Variants in CSGALNACT1 observed in about 807,000 individuals in gnomAD.
CSGALNACT1 encodes chondroitin sulfate N-acetylgalactosaminyltransferase 1, also known as beta4GalNAcT-1.
In CSGALNACT1, 52 loss-of-function variants were observed where a neutral mutation model predicts 51.0. That is an observed-to-expected ratio of 1.02 (90% CI 0.82 to 1.29). The LOEUF is 1.29. Among genes scored for constraint, CSGALNACT1 ranks in the 50% most tolerant of loss-of-function variants. CSGALNACT1 has a pLI of 0.00. For missense variants in CSGALNACT1, 935 were observed against 679.2 expected, an observed-to-expected ratio of 1.38 and a Z score of -4.19; for synonymous variants, 341 against 254.4, an observed-to-expected ratio of 1.34 and a Z score of -3.24.
intron 6 of CSGALNACT1, among the ~76,000 whole-genome samples, chr8:19,425,262 A>G (rs1489216490): frequency 1.3e-5 from 2 of 152,136 alleles, no homozygotes; most frequent in Non-Finnish European, 1.5e-5. Flanking sequence ...AATCGCTTGA[A>G]TCTGGGAAAT....
intron 4 of CSGALNACT1, among the ~76,000 whole-genome samples, chr8:19,501,721 G>A (rs2076460781): frequency 6.6e-6 from 1 of 152,180 alleles, no homozygotes; most frequent in Admixed American, 6.5e-5. Flanking sequence ...ATGTCCAAGG[G>A]ATCTATTTAA....
At chr8:19,414,264 C>A (rs1434454109) in intron 8 of CSGALNACT1, among the ~76,000 whole-genome samples, 1 of 152,178 alleles carries the variant, frequency 6.6e-6, no homozygotes, top group Non-Finnish European at 1.5e-5. Context: ...ATTTAGAAAC[C>A]TATCTCTGGC....
intron 4 of CSGALNACT1, among the ~76,000 whole-genome samples, chr8:19,494,288 A>C (rs2075029964): frequency 6.6e-6 from 1 of 151,954 alleles, no homozygotes. Context: ...TCCTGCTCCC[A>C]AAACACTCCC....
At chr8:19,701,211 A>C (rs2154220142) in intron 1 of CSGALNACT1, among the ~76,000 whole-genome samples, 1 of 130,786 alleles carries the variant, frequency 7.6e-6, no homozygotes, top group African/African-American at 2.9e-5. Context: ...GCTGGAGTGC[A>C]GTGGGGTGAT....
intron 4 of CSGALNACT1, among the ~76,000 whole-genome samples, chr8:19,499,241 T>C (rs572559727): frequency 7.2e-5 from 11 of 152,324 alleles, no homozygotes; most frequent in African/African-American, 2.6e-4. Flanking sequence ...TTTATTACAG[T>C]CACAAAATCT....
In CSGALNACT1 at chr8:19,649,818, G is replaced by GAAAAAAAAAAAAAAA. The variant is rs1564347327; in HGVS notation, c.-544+32654_-544+32655insTTTTTTTTTTTTTTT. ...GAAGAAATTAAATGCATTCCAAGTAGCAAAAAAAAAAAAAAAAAAAAAAAA... is the reference window on the plus strand; with the variant it reads ...GAAGAAATTAAATGCATTCCAAGTAGAAAAAAAAAAAAAAACAAAAAAAAAAAAAAAAAAAAAAAA... On this transcript the variant is annotated intron_variant, in intron 1 of 9. Transcript: ENST00000332246. Among the ~76,000 whole-genome samples the GAAAAAAAAAAAAAAA allele has an allele frequency of 3.9e-3, 6 of 1,554 alleles. 2 individuals are homozygous for GAAAAAAAAAAAAAAA. Among genetic ancestry groups the GAAAAAAAAAAAAAAA allele is most frequent in the African/African-American group, 0.013 (6 of 466 alleles). 1.0% of individuals were successfully genotyped at this position (1,554 alleles called of 152,430 possible).
chr8:19,487,167 T>C (rs988840838), intron 4 of CSGALNACT1, among the ~76,000 whole-genome samples: 8 of 152,232 alleles, frequency 5.3e-5, no homozygotes, highest in African/African-American at 1.4e-4. Context: ...CCAAAAGCTT[T>C]TGCTTTAACA....
intron 1 of CSGALNACT1, among the ~76,000 whole-genome samples, chr8:19,699,343 T>A (rs2154219610): frequency 6.6e-6 from 1 of 152,328 alleles, no homozygotes; most frequent in African/African-American, 2.4e-5. Context: ...TACACCCATG[T>A]TCATAGTAGC....
At chr8:19,658,488 C>G (rs1192203276) in intron 1 of CSGALNACT1, among the ~76,000 whole-genome samples, 3 of 152,184 alleles carry the variant, frequency 2.0e-5, no homozygotes, top group Non-Finnish European at 4.4e-5. Context: ...AATCCCAGCA[C>G]TCTGGCAGGC....
intron 8 of CSGALNACT1, among the ~76,000 whole-genome samples, chr8:19,415,869 T>C (rs1440849657): frequency 1.3e-5 from 2 of 152,200 alleles, no homozygotes; most frequent in Non-Finnish European, 2.9e-5. Flanking sequence ...TCTCTGTCAA[T>C]GAGGGTGATA....
chr8:19,627,902 C>T (rs2054653827), intron 1 of CSGALNACT1, among the ~76,000 whole-genome samples: 4 of 152,100 alleles, frequency 2.6e-5, no homozygotes, highest in Admixed American at 2.6e-4. Context: ...AGTGTTGAAA[C>T]AATATCCATG....
At chr8:19,568,622 A>G (rs1362805818) in intron 3 of CSGALNACT1, among the ~76,000 whole-genome samples, 2 of 152,242 alleles carry the variant, frequency 1.3e-5, no homozygotes, top group Non-Finnish European at 2.9e-5. Flanking sequence ...ATAAAGAAAA[A>G]TCTGCTGGAA....
At chr8:19,702,528 T>C (rs995859667) in intron 1 of CSGALNACT1, among the ~76,000 whole-genome samples, 1 of 152,060 alleles carries the variant, frequency 6.6e-6, no homozygotes, top group African/African-American at 2.4e-5. Context: ...CTTAATTAAT[T>C]TTTTAAAATT....
chr8:19,650,093 A>C (rs1025932550), intron 1 of CSGALNACT1, among the ~76,000 whole-genome samples: 1 of 152,196 alleles, frequency 6.6e-6, no homozygotes, highest in African/African-American at 2.4e-5. Context: ...AATCTTGTTA[A>C]AACGATTCAG....
chr8:19,451,405 G>T (rs188909513), intron 5 of CSGALNACT1, among the ~76,000 whole-genome samples: 1 of 152,224 alleles, frequency 6.6e-6, no homozygotes, highest in East Asian at 1.9e-4. Context: ...TATTAAACTT[G>T]TATTTTTTAA....
intron 4 of CSGALNACT1, among the ~76,000 whole-genome samples, chr8:19,470,760 G>A (rs1033610145): frequency 2.6e-5 from 4 of 152,092 alleles, no homozygotes; most frequent in Non-Finnish European, 4.4e-5. Flanking sequence ...CTAACTGAAC[G>A]CAGGCCCTAA....
chr8:19,527,626 A>G (rs1406513805), intron 3 of CSGALNACT1, among the ~76,000 whole-genome samples: 1 of 152,148 alleles, frequency 6.6e-6, no homozygotes, highest in Non-Finnish European at 1.5e-5. Flanking sequence ...ATAAAGGATA[A>G]AAGAGGCTTT....
intron 1 of CSGALNACT1, among the ~76,000 whole-genome samples, chr8:19,611,515 T>G (rs1554761330): frequency 6.6e-6 from 1 of 152,222 alleles, no homozygotes; most frequent in Non-Finnish European, 1.5e-5. Context: ...ATCTTCACTC[T>G]CTATGTTACA....
At position 19,452,590 on chromosome 8, in the gene CSGALNACT1, G is replaced by A. The variant is rs58538740; in HGVS notation, c.851+5836C>T. Among the ~76,000 whole-genome samples, 749 of 152,254 alleles carry A rather than the reference G, an allele frequency of 4.9e-3. 8 individuals are homozygous for A. The highest frequency in any genetic ancestry group is 0.017 in the African/African-American group (711 of 41,548). On this transcript the variant is annotated intron_variant, in intron 5 of 9. Coordinates refer to ENST00000454498, the Ensembl canonical transcript of CSGALNACT1. ...ATCCCACAGAAGCGATAGAAACAGA[G>A]CCAAAACTTTCCTTTTTCCTCTGAC... is the stretch of plus-strand genomic sequence containing the variant.
Sources: gnomAD v4.1 joint callset for allele counts (sites outside exome capture counted in the v4.1 genomes callset) on GRCh38, gnomAD v4.1.1 for gene constraint, MANE v1.5 for transcripts, NCBI Gene and HGNC (gene_info 2026-07-23, HGNC 2026-07-21) for gene names.